Variants in TTLL12 observed in about 807,000 individuals in gnomAD.
The protein encoded by TTLL12 is tubulin tyrosine ligase like 12.
In TTLL12, 77 loss-of-function variants were observed where a neutral mutation model predicts 79.6. That is an observed-to-expected ratio of 0.97 (90% CI 0.81 to 1.17). TTLL12 has a LOEUF of 1.17. Among genes scored for constraint, TTLL12 ranks in the 50% most tolerant of loss-of-function variants. The probability of loss-of-function intolerance (pLI) is 0.00; values close to 1 mark genes in which losing one functional copy is unlikely to be tolerated. For synonymous variants in TTLL12, 437 were observed against 376.1 expected, an observed-to-expected ratio of 1.16 and a Z score of -1.87; for missense variants, 969 against 895.9, an observed-to-expected ratio of 1.08 and a Z score of -1.04.
At position 43,166,625 on chromosome 22, in the gene TTLL12, GAGA is replaced by G. The variant is rs1216340585; in HGVS notation, c.*1380_*1382del. Reference sequence around the variant, plus strand: ...CAAAGAGAAAGGAGGGCAGAAATAAGAGAAGATGGCCTTTATTGCAGCACGAAC... The same window carrying G: ...CAAAGAGAAAGGAGGGCAGAAATAAGAGATGGCCTTTATTGCAGCACGAAC... On this transcript the variant is annotated 3_prime_UTR_variant, in exon 14 of 14. Coordinates refer to ENST00000216129, the MANE Select transcript of TTLL12 (RefSeq NM_015140.4). The G allele has an allele frequency of 6.6e-6, 1 of 152,308 alleles. No homozygotes were observed. The highest frequency in any genetic ancestry group is 1.5e-5 in the Non-Finnish European group (1 of 68,086). The allele number at this position is 152,308 out of a possible 1,614,324, so 9.4% of individuals were successfully genotyped here. A position where few individuals can be genotyped will look rare whatever the true frequency, so the allele number is the denominator to read the frequency against.
intron 12 of TTLL12, 55 bp from the exon 13 acceptor site, chr22:43,168,967 G>A (rs1931692000): frequency 6.5e-7 from 1 of 1,542,702 alleles, no homozygotes; most frequent in Non-Finnish European, 8.7e-7. Context: ...CTCTCAAGAG[G>A]GGGTCTGCTG....
Position 43,176,342 on chromosome 22 carries a change from G to A in TTLL12, c.895C>T (p.His299Tyr). 2.5e-6 allele frequency: 4 copies of A among 1,602,244 alleles called. No homozygotes were observed. The highest frequency in any genetic ancestry group is 3.4e-6 in the Non-Finnish European group (4 of 1,175,600). ...CACTTGAAGATGTGGCCGTGGGGGT[G>A]CACCACGGGGTTGATGTCAAGTGGC... Reference protein sequence around the residue: ...KLPLDINPVVHPHGHIFKVYT... With the variant: ...KLPLDINPVVYPHGHIFKVYT... The change falls in exon 6 of 14, where the codon CAC (histidine) becomes TAC (tyrosine). Residue 299 changes from histidine to tyrosine, a missense_variant. Transcript: ENST00000216129.
intron 1 of TTLL12, among the ~76,000 whole-genome samples, chr22:43,185,597 G>A (rs1307815678): frequency 6.6e-6 from 1 of 152,132 alleles, no homozygotes; most frequent in African/African-American, 2.4e-5. Flanking sequence ...CAGGGGACGT[G>A]GCACGGTGGC....
chr22:43,176,411 AC>A lies in TTLL12; in HGVS notation c.841-16del, dbSNP rs775366684. 1 of 1,598,356 alleles carries A rather than the reference AC, an allele frequency of 6.3e-7. No homozygotes were observed. Among genetic ancestry groups the A allele is most frequent in the Non-Finnish European group, 8.5e-7 (1 of 1,173,346 alleles). On this transcript the variant is annotated splice_polypyrimidine_tract_variant and intron_variant, in intron 5 of 13. Coordinates refer to ENST00000216129, the MANE Select transcript of TTLL12 (RefSeq NM_015140.4). The stretch of plus-strand genomic sequence containing the variant: ...TCCAGAATGGCCTAAAAGGAAACAC[AC>A]CGGAAGTAGAGATGAGGTCAAGGAA...
chr22:43,186,972 G>T lies in TTLL12; in HGVS notation c.98C>A (p.Ala33Glu). The T allele has an allele frequency of 7.6e-7, 1 of 1,317,996 alleles. No individual in the cohort carries two copies. Among genetic ancestry groups the T allele is most frequent in the Non-Finnish European group, 9.7e-7 (1 of 1,030,086 alleles). 81.6% of individuals were successfully genotyped at this position (1,317,996 alleles called of 1,614,324 possible). ...EGAQALAEFA[A>E]LHGPALRASG... ...AGCGCGCAGCGCCGGGCCGTGCAGC[G>T]CCGCGAACTCGGCCAAGGCCTGCGC... The change falls in exon 1 of 14, where the codon GCG becomes GAG. Residue 33 changes from alanine (A) to glutamate (E), a missense_variant. By Grantham distance (107) the Ala-to-Glu change is moderately radical. Coordinates refer to ENST00000216129, the MANE Select transcript of TTLL12 (RefSeq NM_015140.4).
At chr22:43,183,698 G>A (rs1045959185) in intron 1 of TTLL12, among the ~76,000 whole-genome samples, 1 of 152,254 alleles carries the variant, frequency 6.6e-6, no homozygotes, top group African/African-American at 2.4e-5. Context: ...AGGTCAAGGT[G>A]GGATGGGGAG....
chr22:43,185,226 T>C (rs1932148610), intron 1 of TTLL12, among the ~76,000 whole-genome samples: 1 of 135,028 alleles, frequency 7.4e-6, no homozygotes, highest in Non-Finnish European at 1.6e-5. Flanking sequence ...AGACTCCGTC[T>C]CAATTAAAAA....
At chr22:43,169,460 C>T (rs780308502) in intron 12 of TTLL12, 40 bp downstream of exon 12, 11 of 1,527,224 alleles carry the variant, frequency 7.2e-6, no homozygotes, top group South Asian at 2.6e-5. Flanking sequence ...GCCCGGGACC[C>T]GCCCCACCGG....
intron 13 of TTLL12, 110 bp from the exon 14 acceptor site, chr22:43,168,269 T>G: frequency 4.9e-6 from 7 of 1,429,218 alleles, no homozygotes; most frequent in African/African-American, 1.4e-5. Flanking sequence ...TGGGCCCTGA[T>G]TCCCAGGGGA....
At chr22:43,169,150 C>T (rs561553408) in intron 12 of TTLL12, among the ~76,000 whole-genome samples, 1 of 152,340 alleles carries the variant, frequency 6.6e-6, no homozygotes, top group East Asian at 1.9e-4. Flanking sequence ...CCCACTGCCC[C>T]AAGGAGCTCA....
Position 43,167,757 on chromosome 22 carries a change from T to G in TTLL12, c.*251A>C. The G allele has an allele frequency of 9.6e-6, 4 of 417,928 alleles. No individual in the cohort carries two copies. In the Admixed American group the frequency reaches 1.5e-4, roughly 16 times the overall value. 25.9% of individuals were successfully genotyped at this position (417,928 alleles called of 1,614,324 possible). On this transcript the variant is annotated 3_prime_UTR_variant, in exon 14 of 14. Coordinates refer to ENST00000216129, the MANE Select transcript of TTLL12 (RefSeq NM_015140.4). The stretch of plus-strand genomic sequence containing the variant: ...TCAGTGCACAGATGGTGGTGAGGGG[T>G]GAGGGCAGGGCGTGGGGTGGTGCTC...
intron 3 of TTLL12, among the ~76,000 whole-genome samples, chr22:43,180,496 G>C (rs1353688287): frequency 6.6e-6 from 1 of 152,164 alleles, no homozygotes. Flanking sequence ...CAGAATCAGG[G>C]GGGCCAGGAA....
rs753540411 is a variant in TTLL12, at chr22:43,173,736, C to T, written c.1320G>A (p.Arg440=). 6.2e-7 allele frequency: 1 copy of T among 1,603,056 alleles called. No individual in the cohort carries two copies. Among genetic ancestry groups the T allele is most frequent in the South Asian group, 1.1e-5 (1 of 91,068 alleles). The change falls in exon 9 of 14, where the codon CGG becomes CGA. Residue 440 remains arginine (R), a synonymous_variant. Transcript: ENST00000216129. ...HVTKSLHSII[R]HRESTPKVVS... ...CCACCTTGGGGGTGCTCTCTCGGTG[C>T]CGGATGATGCTGTGCAGGCTCTTGG...
intron 4 of TTLL12, 34 bp downstream of exon 4, chr22:43,179,807 C>A: frequency 1.3e-6 from 2 of 1,554,468 alleles, no homozygotes; most frequent in Non-Finnish European, 1.7e-6. Context: ...TGGGCTGAGG[C>A]CCCTCCTCCA....
At chr22:43,174,860 C>G (rs568147025) in intron 6 of TTLL12, among the ~76,000 whole-genome samples, 1 of 152,238 alleles carries the variant, frequency 6.6e-6, no homozygotes, top group African/African-American at 2.4e-5. Flanking sequence ...TGGACCACAC[C>G]GTCCACCTCA....
chr22:43,169,852 A>G (rs1931719993), intron 11 of TTLL12: 1 of 518,802 alleles, frequency 1.9e-6, no homozygotes, highest in African/African-American at 1.9e-5. Flanking sequence ...TTTGCCACGC[A>G]GCTGTGAGGC....
At chr22:43,182,382 G>T (rs1444656684) in intron 2 of TTLL12, among the ~76,000 whole-genome samples, 1 of 152,210 alleles carries the variant, frequency 6.6e-6, no homozygotes, top group Non-Finnish European at 1.5e-5. Context: ...CCAGACCCCT[G>T]CCCAAAGAGC....
At chr22:43,170,193 C>G (rs947368064) in intron 11 of TTLL12, 1 of 344,686 alleles carries the variant, frequency 2.9e-6, no homozygotes, top group Non-Finnish European at 5.7e-6. Context: ...CAGGAGAGGA[C>G]TCCCGGGATG....
chr22:43,172,645 G>T, intron 9 of TTLL12, 91 bp from the exon 10 acceptor site: 3 of 1,443,432 alleles, frequency 2.1e-6, no homozygotes, highest in Non-Finnish European at 9.6e-7. Context: ...GCACAGACAT[G>T]GCTGCACTTT....
Sources: allele counts gnomAD v4.1 joint callset (sites outside exome capture counted in the v4.1 genomes callset), GRCh38; gene constraint gnomAD v4.1.1; transcripts MANE v1.5; gene names NCBI Gene and HGNC (gene_info 2026-07-23, HGNC 2026-07-21).